The following PTPRT variants were observed in gnomAD, a reference collection of about 807,000 sequenced individuals.
PTPRT encodes protein tyrosine phosphatase receptor type T.
Under a neutral mutation model 176.8 loss-of-function variants are expected in PTPRT, and 56 were observed. The ratio of observed to expected loss-of-function variants is 0.32; its 90% CI spans 0.26 to 0.40. The LOEUF is 0.40. PTPRT is among the 10% of genes least tolerant of loss of function. PTPRT has a pLI of 1.00. For synonymous variants in PTPRT, 783 were observed against 739.0 expected (o/e 1.06, Z -0.96); for missense variants, 1,540 against 1,908.2 (o/e 0.81, Z 3.60).
chr20:42,884,052 C>T (rs932024632), intron 2 of PTPRT, among the ~76,000 whole-genome samples: 39 of 151,658 alleles, frequency 2.6e-4, no homozygotes, highest in Admixed American at 1.7e-3. Context: ...AAGAGTAGAG[C>T]AGATGTGCTA....
At chr20:42,908,213 G>A (rs1421423978) in intron 1 of PTPRT, among the ~76,000 whole-genome samples, 2 of 151,952 alleles carry the variant, frequency 1.3e-5, no homozygotes, top group African/African-American at 4.8e-5. Flanking sequence ...ATGTGACCTT[G>A]GACAAGTCAC....
At chr20:42,175,928 C>T (rs1990272833) in intron 16 of PTPRT, among the ~76,000 whole-genome samples, 1 of 152,176 alleles carries the variant, frequency 6.6e-6, no homozygotes, top group Admixed American at 6.5e-5. Flanking sequence ...AGGAAGACAT[C>T]TCTGTCTGCC....
At chr20:43,101,444 C>T (rs1027198233) in intron 1 of PTPRT, among the ~76,000 whole-genome samples, 19 of 152,096 alleles carry the variant, frequency 1.2e-4, no homozygotes, top group Non-Finnish European at 2.2e-4. Context: ...ACCTATGTAG[C>T]CTTTCTTAGC....
chr20:42,385,705 C>G (rs1019197485), intron 9 of PTPRT, among the ~76,000 whole-genome samples: 6 of 152,118 alleles, frequency 3.9e-5, no homozygotes, highest in African/African-American at 1.4e-4. Flanking sequence ...CAAGGAGGAG[C>G]AAAGTCAAGT....
chr20:42,899,386 G>A (rs974452893), intron 1 of PTPRT, among the ~76,000 whole-genome samples: 1 of 152,192 alleles, frequency 6.6e-6, no homozygotes, highest in Non-Finnish European at 1.5e-5. Context: ...CCCAAGCCAA[G>A]CTCTTCACGG....
At chr20:42,817,058 T>A (rs1178966498) in intron 2 of PTPRT, among the ~76,000 whole-genome samples, 1 of 152,204 alleles carries the variant, frequency 6.6e-6, no homozygotes, top group African/African-American at 2.4e-5. Context: ...GCATCTGAAT[T>A]TGCAAAGATT....
At chr20:42,032,210 G>A in the PTPRT span, among the ~76,000 whole-genome samples, 3 of 152,066 alleles carry the variant, frequency 2.0e-5, no homozygotes, top group Non-Finnish European at 4.4e-5. Flanking sequence ...AGAAAGGGAT[G>A]GGGAGTGATA....
intron 7 of PTPRT, among the ~76,000 whole-genome samples, chr20:42,635,244 T>A (rs199634983): frequency 8.4e-6 from 1 of 119,048 alleles, no homozygotes; most frequent in African/African-American, 8.7e-5. Context: ...TGAAAACAAA[T>A]GAATGTGTCC....
chr20:42,669,958 A>G (rs2075385160), intron 7 of PTPRT, among the ~76,000 whole-genome samples: 1 of 152,134 alleles, frequency 6.6e-6, no homozygotes, highest in East Asian at 1.9e-4. Context: ...TATAAAAAGG[A>G]CAATTCCCAT....
At chr20:42,358,715 G>T (rs1390712139) in intron 9 of PTPRT, among the ~76,000 whole-genome samples, 2 of 152,208 alleles carry the variant, frequency 1.3e-5, no homozygotes, top group Non-Finnish European at 2.9e-5. Flanking sequence ...TCTCAACTCA[G>T]TCTCAGCCCC....
chr20:43,004,095 T>G (rs1433668285), intron 1 of PTPRT, among the ~76,000 whole-genome samples: 2 of 151,770 alleles, frequency 1.3e-5, no homozygotes, highest in Non-Finnish European at 2.9e-5. Flanking sequence ...AAATATAAAT[T>G]CAGTGGTTGA....
At chr20:42,880,085 C>T (rs758491703) in intron 2 of PTPRT, among the ~76,000 whole-genome samples, 3 of 152,106 alleles carry the variant, frequency 2.0e-5, no homozygotes, top group Non-Finnish European at 2.9e-5. Context: ...CACACTCCTC[C>T]GTGGCAGTAC....
intron 7 of PTPRT, among the ~76,000 whole-genome samples, chr20:42,665,678 G>A (rs1489253122): frequency 1.3e-5 from 2 of 152,122 alleles, no homozygotes; most frequent in Non-Finnish European, 2.9e-5. Context: ...CAATAGCACA[G>A]ACTTGGAACC....
intron 9 of PTPRT, among the ~76,000 whole-genome samples, chr20:42,400,165 G>A (rs573094164): frequency 1.3e-4 from 20 of 150,696 alleles, no homozygotes; most frequent in African/African-American, 4.6e-4. Context: ...TTACTAAAGA[G>A]ACAGCAATGT....
intron 13 of PTPRT, among the ~76,000 whole-genome samples, chr20:42,275,599 A>G (rs2057015894): frequency 6.6e-6 from 1 of 152,092 alleles, no homozygotes; most frequent in African/African-American, 2.4e-5. Context: ...TGGCGGGGGA[A>G]GTTTGAGCAC....
intron 9 of PTPRT, among the ~76,000 whole-genome samples, chr20:42,397,349 C>T (rs2058861181): frequency 6.6e-6 from 1 of 152,144 alleles, no homozygotes; most frequent in Admixed American, 6.5e-5. Context: ...CAGTTTGTTA[C>T]AAAGGTATAC....
chr20:42,161,461 A>T lies in PTPRT; in HGVS notation c.2573T>A (p.Met858Lys), dbSNP rs775535515. Residue 858 changes from methionine to lysine, a missense_variant, in exon 17 of 31, where the codon ATG (methionine) becomes AAG (lysine). By Grantham distance (95) the Met-to-Lys change is moderately conservative. Around this residue, in one of 11 missense-constraint regions of PTPRT, gnomAD observed 255 missense variants for 250.1 expected, o/e 1.02. Coordinates refer to ENST00000373187, the MANE Select transcript of PTPRT (RefSeq NM_007050.6). ...HPYRTCDPVE[M>K]SYPRDQFQPA... ...TTGGAACTGGTCCCGGGGGTAGCTC[A>T]TCTCCACAGGGTCACAGGTGCGGTA... 1 of 1,614,090 alleles carries T rather than the reference A, an allele frequency of 6.2e-7. No individual in the cohort carries two copies.
intron 1 of PTPRT, among the ~76,000 whole-genome samples, chr20:43,129,591 C>T (rs1258668473): frequency 6.6e-6 from 1 of 151,566 alleles, no homozygotes; most frequent in Non-Finnish European, 1.5e-5. Context: ...AGCTCCACTC[C>T]CCTCCCCGAC....
At chr20:42,670,717 G>A (rs537803180) in intron 7 of PTPRT, among the ~76,000 whole-genome samples, 99 of 152,282 alleles carry the variant, frequency 6.5e-4, no homozygotes, top group Non-Finnish European at 7.9e-4. Flanking sequence ...GGGTTCCCAG[G>A]CAAGGGGCCT....
Sources: allele counts gnomAD v4.1 joint callset (sites outside exome capture counted in the v4.1 genomes callset), GRCh38; gene constraint gnomAD v4.1.1; regional missense constraint gnomAD v4.1.1; transcripts MANE v1.5; gene names NCBI Gene and HGNC (gene_info 2026-07-23, HGNC 2026-07-21).